The following MYLK variants were observed in gnomAD, a reference collection of about 807,000 sequenced individuals.
MYLK encodes myosin light chain kinase.
In MYLK, 106 loss-of-function variants were observed where a neutral mutation model predicts 203.4. That is an observed-to-expected ratio of 0.52 (90% CI 0.45 to 0.61). The LOEUF is 0.61. Ranked by LOEUF, MYLK falls within the 20% of genes least tolerant of loss-of-function variation. MYLK has a pLI of 0.00. For missense variants in MYLK, 2,072 were observed against 2,442.3 expected (o/e 0.85, Z 3.20); for synonymous variants, 867 against 959.5 (o/e 0.90, Z 1.78).
At chr3:123,878,167 G>A (rs992754358) in intron 1 of MYLK, among the ~76,000 whole-genome samples, 1 of 152,172 alleles carries the variant, frequency 6.6e-6, no homozygotes, top group Non-Finnish European at 1.5e-5. Context: ...GGAGCACAGT[G>A]CCTAGCAGGA....
chr3:123,661,618 T>A (rs2108303158), intron 23 of MYLK, among the ~76,000 whole-genome samples: 1 of 151,872 alleles, frequency 6.6e-6, no homozygotes, highest in Admixed American at 6.5e-5. Flanking sequence ...AAGAACAGGG[T>A]CAGAGGAAGG....
At chr3:123,628,665 T>C (rs1254905867) in intron 30 of MYLK, among the ~76,000 whole-genome samples, 1 of 152,140 alleles carries the variant, frequency 6.6e-6, no homozygotes, top group Admixed American at 6.5e-5. Flanking sequence ...GACAGTTCCT[T>C]CCAGGAGATT....
chr3:123,682,375 C>G (rs2060299064), intron 19 of MYLK, 65 bp from the exon 20 acceptor site: 6 of 1,297,182 alleles, frequency 4.6e-6, no homozygotes, highest in Admixed American at 3.9e-5. Flanking sequence ...GGGGGTCTCT[C>G]AGTCAAAATC....
At chr3:123,741,151 G>C (rs531972584) in intron 5 of MYLK, among the ~76,000 whole-genome samples, 152 of 152,278 alleles carry the variant, frequency 1.0e-3, no homozygotes, top group African/African-American at 2.9e-3. Context: ...TTTGCAGGGA[G>C]TTTACTGCAA....
At chr3:123,656,695 T>G (rs1177869858) in intron 24 of MYLK, among the ~76,000 whole-genome samples, 2 of 152,214 alleles carry the variant, frequency 1.3e-5, no homozygotes, top group East Asian at 3.8e-4. Flanking sequence ...GCATCCCTTC[T>G]CATTATAGTT....
At chr3:123,634,749 A>G (rs890352112) in intron 29 of MYLK, among the ~76,000 whole-genome samples, 3 of 152,184 alleles carry the variant, frequency 2.0e-5, no homozygotes, top group Non-Finnish European at 2.9e-5. Flanking sequence ...CACAGGCAGC[A>G]AGGAAGTACC....
At chr3:123,806,534 T>C (rs892440272) in intron 3 of MYLK, among the ~76,000 whole-genome samples, 4 of 152,224 alleles carry the variant, frequency 2.6e-5, no homozygotes, top group African/African-American at 9.6e-5. Context: ...AGGATGGTGA[T>C]ACTTAGCTAA....
At chr3:123,759,111 C>T (rs920719291) in intron 4 of MYLK, among the ~76,000 whole-genome samples, 2 of 152,214 alleles carry the variant, frequency 1.3e-5, no homozygotes, top group African/African-American at 2.4e-5. Flanking sequence ...AAGCATGAGA[C>T]ACTGTGCCTG....
chr3:123,863,159 A>G (rs1172343386), intron 2 of MYLK, among the ~76,000 whole-genome samples: 1 of 152,114 alleles, frequency 6.6e-6, no homozygotes, highest in Non-Finnish European at 1.5e-5. Context: ...TTTGCAACAA[A>G]TGGGGCTAGA....
At chr3:123,682,747 GAGGTGGCGC>G (rs2060313303) in intron 19 of MYLK, among the ~76,000 whole-genome samples, 1 of 152,212 alleles carries the variant, frequency 6.6e-6, no homozygotes, top group Non-Finnish European at 1.5e-5. Flanking sequence ...TCATGGACTA[GAGGTGGCGC>G]ACAGCTTCTG....
chr3:123,666,370 G>A (rs41271433), intron 21 of MYLK, 24 bp from the exon 22 acceptor site: 30,311 of 1,613,998 alleles, frequency 0.019, 381 homozygotes, highest in Middle Eastern at 0.028. Context: ...GGGAGAAAGT[G>A]AGCGAGGCAG....
At chr3:123,818,492 C>T (rs929804624) in intron 3 of MYLK, among the ~76,000 whole-genome samples, 1 of 152,120 alleles carries the variant, frequency 6.6e-6, no homozygotes, top group African/African-American at 2.4e-5. Context: ...GAGGTCGAGA[C>T]AAGCCTGGAC....
chr3:123,640,542 C>A lies in MYLK; in HGVS notation c.4620-38G>T, dbSNP rs1490905320. The stretch of plus-strand genomic sequence containing the variant: ...GTGCACGGGGTGGTCAGGCCACAGG[C>A]TCATGGAGGCCAGGCTGGCAGGGAG... On this transcript the variant is annotated intron_variant, in intron 27 of 33. Transcript: ENST00000360304. This position sits in a 1 kb window ranked among gnomAD's most constrained non-coding sequence, Gnocchi z 4.3. The A allele has an allele frequency of 1.2e-6, 2 of 1,609,074 alleles. No homozygotes were observed. Among genetic ancestry groups the A allele is most frequent in the African/African-American group, 2.7e-5 (2 of 74,800 alleles).
chr3:123,830,354 T>C (rs532320790), intron 3 of MYLK, among the ~76,000 whole-genome samples: 22 of 152,334 alleles, frequency 1.4e-4, no homozygotes, highest in African/African-American at 5.1e-4. Flanking sequence ...TTTCCCTTTA[T>C]CAGCCATATT....
intron 20 of MYLK, among the ~76,000 whole-genome samples, chr3:123,667,410 T>C (rs1560043476): frequency 6.6e-6 from 1 of 152,030 alleles, no homozygotes; most frequent in Non-Finnish European, 1.5e-5. Flanking sequence ...GAGACCAGCC[T>C]GGCCAGCGTG....
chr3:123,786,709 A>G (rs957495495), intron 4 of MYLK, among the ~76,000 whole-genome samples: 3 of 152,230 alleles, frequency 2.0e-5, no homozygotes, highest in Admixed American at 6.5e-5. Context: ...CCCATTCTCT[A>G]CAATGTGTTT....
intron 29 of MYLK, among the ~76,000 whole-genome samples, chr3:123,637,775 C>T (rs901474326): frequency 6.6e-6 from 1 of 152,156 alleles, no homozygotes; most frequent in African/African-American, 2.4e-5. Flanking sequence ...TTCCCACCCT[C>T]CTGACCAAAG....
At chr3:123,812,110 A>T (rs1322383028) in intron 3 of MYLK, among the ~76,000 whole-genome samples, 5 of 152,186 alleles carry the variant, frequency 3.3e-5, no homozygotes, top group Non-Finnish European at 5.9e-5. Flanking sequence ...AGTCAGCGAT[A>T]GAGATTCAGG....
intron 5 of MYLK, among the ~76,000 whole-genome samples, chr3:123,750,928 T>G (rs890228304): frequency 2.6e-5 from 4 of 152,202 alleles, no homozygotes; most frequent in African/African-American, 9.7e-5. Context: ...ATCCAAACTA[T>G]GCATGCTCCA....
Sources: gnomAD v4.1 joint callset for allele counts (sites outside exome capture counted in the v4.1 genomes callset) on GRCh38, gnomAD v4.1.1 for gene constraint, Gnocchi (gnomAD v3.1) non-coding constraint, MANE v1.5 for transcripts, NCBI Gene and HGNC (gene_info 2026-07-23, HGNC 2026-07-21) for gene names.